The following PCDH9 variants were observed in gnomAD, a reference collection of about 807,000 sequenced individuals.
PCDH9 encodes protocadherin 9, also known as protocadherin-9.
In PCDH9, 24 loss-of-function variants were observed where a neutral mutation model predicts 70.6. The observed-to-expected ratio is 0.34, with a 90% CI of 0.25 to 0.48. The LOEUF (loss-of-function observed/expected upper bound fraction) is 0.48. Ranked by LOEUF, PCDH9 falls within the 20% of genes least tolerant of loss-of-function variation. The probability of loss-of-function intolerance (pLI) is 0.99; values close to 1 mark genes in which losing one functional copy is unlikely to be tolerated. For missense variants in PCDH9, 1,281 were observed against 1,503.6 expected, an observed-to-expected ratio of 0.85 and a Z score of 2.45; for synonymous variants, 562 against 558.5, an observed-to-expected ratio of 1.01 and a Z score of -0.09.
At chr13:66,686,847 G>T (rs9571626) in intron 3 of PCDH9, among the ~76,000 whole-genome samples, 99 of 151,924 alleles carry the variant, frequency 6.5e-4, no homozygotes, top group Middle Eastern at 6.8e-3. Context: ...TAAACATATA[G>T]GGCTTAGAAA....
intron 4 of PCDH9, among the ~76,000 whole-genome samples, chr13:66,595,296 G>C (rs972166101): frequency 2.0e-5 from 3 of 151,652 alleles, no homozygotes; most frequent in African/African-American, 7.3e-5. Context: ...GATATGAGTA[G>C]TGTGTTTATC....
At chr13:66,444,749 C>T (rs1323962745) in intron 4 of PCDH9, among the ~76,000 whole-genome samples, 1 of 151,784 alleles carries the variant, frequency 6.6e-6, no homozygotes, top group Non-Finnish European at 1.5e-5. Context: ...TTAGTAGAGA[C>T]GGGGTTTCAC....
At chr13:66,490,810 G>A (rs374312982) in intron 4 of PCDH9, among the ~76,000 whole-genome samples, 15 of 152,052 alleles carry the variant, frequency 9.9e-5, no homozygotes, top group African/African-American at 3.4e-4. Flanking sequence ...ATCTCAGAAC[G>A]TGTTCTAAGT....
intron 3 of PCDH9, among the ~76,000 whole-genome samples, chr13:66,725,072 A>G (rs1464202043): frequency 6.6e-6 from 1 of 151,950 alleles, no homozygotes; most frequent in East Asian, 1.9e-4. Context: ...GGTTCCTTAA[A>G]CTTAACATGT....
chr13:66,940,285 G>A (rs75779611), intron 2 of PCDH9, among the ~76,000 whole-genome samples: 22 of 152,080 alleles, frequency 1.4e-4, no homozygotes, highest in Admixed American at 5.2e-4. Flanking sequence ...ACATCCTGAC[G>A]AATGAGTCAT....
At chr13:66,877,204 T>C (rs898778437) in intron 3 of PCDH9, among the ~76,000 whole-genome samples, 2 of 151,844 alleles carry the variant, frequency 1.3e-5, no homozygotes, top group African/African-American at 4.8e-5. Flanking sequence ...CATGGACAAT[T>C]TTAGGTCAAG....
At chr13:66,838,793 C>A (rs918066386) in intron 3 of PCDH9, among the ~76,000 whole-genome samples, 1 of 151,914 alleles carries the variant, frequency 6.6e-6, no homozygotes, top group Non-Finnish European at 1.5e-5. Context: ...TTATTTAGAG[C>A]AACTCATTTC....
intron 4 of PCDH9, among the ~76,000 whole-genome samples, chr13:66,554,896 A>C (rs2138688920): frequency 6.6e-6 from 1 of 152,288 alleles, no homozygotes; most frequent in African/African-American, 2.4e-5. Flanking sequence ...GCGGCCGGGC[A>C]TGGTGTCTCA....
At chr13:66,879,572 CCAAATAT>C (rs1446749316) in intron 3 of PCDH9, among the ~76,000 whole-genome samples, 1 of 151,994 alleles carries the variant, frequency 6.6e-6, no homozygotes, top group Non-Finnish European at 1.5e-5. Context: ...TAATGCACTT[CCAAATAT>C]CAAATAGCAA....
At chr13:66,347,660 C>T (rs530387718) in intron 4 of PCDH9, among the ~76,000 whole-genome samples, 1 of 152,282 alleles carries the variant, frequency 6.6e-6, no homozygotes, top group Admixed American at 6.5e-5. Flanking sequence ...CTCTCTTCAG[C>T]CTTACCGGCC....
At chr13:66,881,847 A>C (rs1041012720) in intron 3 of PCDH9, among the ~76,000 whole-genome samples, 2 of 152,190 alleles carry the variant, frequency 1.3e-5, no homozygotes, top group African/African-American at 4.8e-5. Context: ...GGAAGGAAAT[A>C]TCTCTAGTGT....
At position 66,999,387 on chromosome 13, in the gene PCDH9, C is replaced by A. The variant is rs534675938; in HGVS notation, c.3037-95782G>T. On this transcript the variant is annotated intron_variant, in intron 2 of 4. Coordinates refer to ENST00000377865, the MANE Select transcript of PCDH9 (RefSeq NM_203487.3). The stretch of plus-strand genomic sequence containing the variant: ...CCCAATTATAGTTCTAAGGACTATA[C>A]TTCAAGGTTCTATGTTCTTTGAATT... Among the ~76,000 whole-genome samples the A allele has an allele frequency of 1.6e-4, 24 of 152,196 alleles. 1 individual carries two copies. In the South Asian group the frequency reaches 4.6e-3, roughly 29 times the overall value.
At chr13:67,211,745 T>C (rs1397437312) in intron 2 of PCDH9, 3 of 152,102 alleles carry the variant, frequency 2.0e-5, no homozygotes, top group Non-Finnish European at 4.4e-5. Context: ...TGAAGTACTG[T>C]GATAAATATT....
At chr13:66,385,394 T>C (rs1956912063) in intron 4 of PCDH9, among the ~76,000 whole-genome samples, 1 of 152,088 alleles carries the variant, frequency 6.6e-6, no homozygotes, top group African/African-American at 2.4e-5. Flanking sequence ...AACTAATACA[T>C]ATAAATTAAA....
At chr13:66,947,955 C>A (rs751470972) in intron 2 of PCDH9, among the ~76,000 whole-genome samples, 1 of 152,038 alleles carries the variant, frequency 6.6e-6, no homozygotes, top group Non-Finnish European at 1.5e-5. Flanking sequence ...TTGGAACTAT[C>A]TAACCTAGAG....
chr13:67,189,526 A>C (rs1330927310), intron 2 of PCDH9, among the ~76,000 whole-genome samples: 1 of 152,088 alleles, frequency 6.6e-6, no homozygotes, highest in Non-Finnish European at 1.5e-5. Flanking sequence ...ACTTCTTTGG[A>C]TAGCATAGTA....
intron 3 of PCDH9, among the ~76,000 whole-genome samples, chr13:66,683,350 C>T (rs1334978158): frequency 6.6e-6 from 1 of 152,126 alleles, no homozygotes; most frequent in Non-Finnish European, 1.5e-5. Context: ...CATCTAATAC[C>T]ACATTGCCTT....
intron 4 of PCDH9, among the ~76,000 whole-genome samples, chr13:66,315,953 C>T (rs1955644753): frequency 6.6e-6 from 1 of 152,204 alleles, no homozygotes. Flanking sequence ...GGTTAAAAGT[C>T]TGAAATCAGT....
intron 2 of PCDH9, among the ~76,000 whole-genome samples, chr13:67,100,820 C>T (rs919890767): frequency 6.6e-6 from 1 of 152,118 alleles, no homozygotes; most frequent in African/African-American, 2.4e-5. Flanking sequence ...GGAGGTCGAA[C>T]ATCTGTATTT....
Sources: allele counts gnomAD v4.1 joint callset (sites outside exome capture counted in the v4.1 genomes callset), GRCh38; gene constraint gnomAD v4.1.1; transcripts MANE v1.5; gene names NCBI Gene and HGNC (gene_info 2026-07-23, HGNC 2026-07-21).